The following SLC37A1 variants were observed in gnomAD, a reference collection of about 807,000 sequenced individuals.
The protein encoded by SLC37A1 is glucose-6-phosphate exchanger SLC37A1.
In SLC37A1, 49 loss-of-function variants were observed where a neutral mutation model predicts 75.3. The ratio of observed to expected loss-of-function variants is 0.65; its 90% CI spans 0.52 to 0.83. The LOEUF (loss-of-function observed/expected upper bound fraction) is 0.83, where lower values mean the gene tolerates loss of function less well. Ranked by LOEUF, SLC37A1 falls within the 40% of genes least tolerant of loss-of-function variation. SLC37A1 has a pLI of 0.00. For missense variants in SLC37A1, 566 were observed against 695.0 expected (o/e 0.81, Z 2.09); for synonymous variants, 268 against 292.1 (o/e 0.92, Z 0.84).
In SLC37A1 at chr21:42,565,717, G is replaced by C; in HGVS notation, c.1222-110G>C. 4.0e-6 allele frequency: 4 copies of C among 991,254 alleles called. No individual in the cohort carries two copies. The African/African-American group carries it at 6.4e-5, about 16-fold the overall frequency. The allele number at this position is 991,254 out of a possible 1,614,324, so 61.4% of individuals were successfully genotyped here. On this transcript the variant is annotated intron_variant, in intron 14 of 19. Transcript: ENST00000352133. The stretch of plus-strand genomic sequence containing the variant: ...CGCTTTTTTAGGGGTTTCCACTCTT[G>C]GGATGGCTGCCTGAGAATCACCCGC...
At chr21:42,543,346 CT>C in intron 7 of SLC37A1, 89 bp from the exon 8 acceptor site, 1 of 1,495,452 alleles carries the variant, frequency 6.7e-7, no homozygotes, top group East Asian at 2.3e-5. Flanking sequence ...CGCCGACTCC[CT>C]ACTTTGCAGG....
chr21:42,537,580 G>C (rs978343669), intron 5 of SLC37A1, among the ~76,000 whole-genome samples: 7 of 152,176 alleles, frequency 4.6e-5, no homozygotes, highest in Non-Finnish European at 8.8e-5. Context: ...CTGGCATCTA[G>C]TGGCTAGAAA....
intron 16 of SLC37A1, among the ~76,000 whole-genome samples, chr21:42,568,118 T>C (rs914352498): frequency 6.6e-6 from 1 of 152,268 alleles, no homozygotes; most frequent in Admixed American, 6.5e-5. Context: ...AAACGTTTTT[T>C]ATTTGAAGAG....
Position 42,530,642 on chromosome 21 carries a change from ACACACACACACACC to A in SLC37A1, c.139-4054_139-4041del, listed in dbSNP as rs1269373011. Among the ~76,000 whole-genome samples, 141 of 28,638 alleles carry A rather than the reference ACACACACACACACC, an allele frequency of 4.9e-3. 2 individuals are homozygous for A. The highest frequency in any genetic ancestry group is 0.018 in the African/African-American group (80 of 4,506). 18.8% of individuals were successfully genotyped at this position (28,638 alleles called of 152,430 possible). ...CACACACACACACACACACACACACACACACACACACACCCCCTCTGTGTTGGCTGAAGGTGGAG... is the reference window on the plus strand; with the variant it reads ...CACACACACACACACACACACACACACCCTCTGTGTTGGCTGAAGGTGGAG... On this transcript the variant is annotated intron_variant, in intron 3 of 19. Transcript: ENST00000352133.
chr21:42,519,691 C>G (rs776187321), intron 2 of SLC37A1, among the ~76,000 whole-genome samples: 6 of 152,194 alleles, frequency 3.9e-5, no homozygotes, highest in Non-Finnish European at 5.9e-5. Flanking sequence ...CACAGGGTGT[C>G]TCAGGTTTGA....
chr21:42,531,442 G>C (rs1394205502), intron 3 of SLC37A1, among the ~76,000 whole-genome samples: 7 of 152,268 alleles, frequency 4.6e-5, no homozygotes, highest in Non-Finnish European at 8.8e-5. Flanking sequence ...GTGGAGTTCA[G>C]TTGCTGCAGA....
At chr21:42,551,557 A>T (rs2055557598) in intron 9 of SLC37A1, among the ~76,000 whole-genome samples, 1 of 152,250 alleles carries the variant, frequency 6.6e-6, no homozygotes, top group Non-Finnish European at 1.5e-5. Flanking sequence ...AAAACCACTG[A>T]ATTGTGAACA....
Position 42,565,849 on chromosome 21 carries a change from G to A in SLC37A1, c.1244G>A (p.Ser415Asn). ...CAGCTCTACATCTTCTCCACCGTCAGCAAGATGGGGCTTGAGGCCACCATC... is the reference window on the plus strand; with the variant it reads ...CAGCTCTACATCTTCTCCACCGTCAACAAGATGGGGCTTGAGGCCACCATC... ...APTLYIFSTV[S>N]KMGLEATIAM... The change falls in exon 15 of 20, where the codon AGC becomes AAC. Residue 415 changes from serine (S) to asparagine (N), a missense_variant. Ser to Asn is a conservative substitution (Grantham distance 46). Transcript: ENST00000352133. The A allele has an allele frequency of 6.2e-7, 1 of 1,614,056 alleles. No individual in the cohort carries two copies. Among genetic ancestry groups the A allele is most frequent in the Non-Finnish European group, 8.5e-7 (1 of 1,179,976 alleles).
chr21:42,510,110 C>A (rs1235187100), upstream of SLC37A1, among the ~76,000 whole-genome samples: 1 of 152,246 alleles, frequency 6.6e-6, no homozygotes, highest in Non-Finnish European at 1.5e-5. Flanking sequence ...TCACTGCAAC[C>A]TCTGCCTCCT....
intron 18 of SLC37A1, chr21:42,576,092 T>C (rs1169403638): frequency 9.5e-6 from 4 of 419,502 alleles, no homozygotes; most frequent in Non-Finnish European, 1.3e-5. Flanking sequence ...ATACACAAGC[T>C]CAGGAATCAA....
chr21:42,521,470 A>C (rs2054647666), intron 2 of SLC37A1, among the ~76,000 whole-genome samples: 1 of 152,240 alleles, frequency 6.6e-6, no homozygotes, highest in African/African-American at 2.4e-5. Flanking sequence ...TAATTCTCAA[A>C]AGTGTTTCTT....
chr21:42,560,731 G>A (rs1268857212), intron 11 of SLC37A1, among the ~76,000 whole-genome samples: 2 of 152,224 alleles, frequency 1.3e-5, no homozygotes, highest in Admixed American at 6.5e-5. Flanking sequence ...GGAAGCTGCT[G>A]GGTTTAAGTA....
In SLC37A1 at chr21:42,580,527, T is replaced by G; in HGVS notation, c.*167T>G. 1 of 687,166 alleles carries G rather than the reference T, an allele frequency of 1.5e-6. No homozygotes were observed. Among genetic ancestry groups the G allele is most frequent in the South Asian group, 1.9e-5 (1 of 52,492 alleles). The allele number at this position is 687,166 out of a possible 1,614,324, so 42.6% of individuals were successfully genotyped here. ...CAACCTGAGAACCCCTGGTGCTATT[T>G]TAAAGGAGACATATTGCTGAACAGC... On this transcript the variant is annotated 3_prime_UTR_variant, in exon 20 of 20. Coordinates refer to ENST00000352133, the MANE Select transcript of SLC37A1 (RefSeq NM_001320537.2).
At chr21:42,537,155 G>C (rs557945132) in intron 5 of SLC37A1, among the ~76,000 whole-genome samples, 3 of 152,350 alleles carry the variant, frequency 2.0e-5, no homozygotes, top group Non-Finnish European at 4.4e-5. Flanking sequence ...TGTTGGAGGA[G>C]AGTGCATAGC....
At chr21:42,520,987 C>T (rs2054634308) in intron 2 of SLC37A1, among the ~76,000 whole-genome samples, 1 of 152,186 alleles carries the variant, frequency 6.6e-6, no homozygotes, top group Non-Finnish European at 1.5e-5. Context: ...ACTGATATAA[C>T]TAAAGAAGTA....
At chr21:42,507,381 G>C (rs1031983787) in intron 2 of SLC37A1, among the ~76,000 whole-genome samples, 2 of 152,190 alleles carry the variant, frequency 1.3e-5, no homozygotes, top group African/African-American at 4.8e-5. Flanking sequence ...TAGGCTGTGA[G>C]GGGGACTGGC....
chr21:42,519,983 T>TGTGTGTGC (rs1555879914), intron 2 of SLC37A1, among the ~76,000 whole-genome samples: 1 of 151,944 alleles, frequency 6.6e-6, no homozygotes, highest in African/African-American at 2.4e-5. Flanking sequence ...TGTGTGTGTG[T>TGTGTGTGC]GCATGTGTGT....
Position 42,539,594 on chromosome 21 carries a change from G to A in SLC37A1, c.433G>A (p.Gly145Ser), listed in dbSNP as rs1252302932. The change falls in exon 6 of 20, where the codon GGC becomes AGC. Residue 145 changes from glycine to serine, a missense_variant. Physicochemically the swap from Gly to Ser is moderately conservative, Grantham distance 56 (BLOSUM62 0). Transcript: ENST00000352133. ...LASGAFTALF[G>S]LGYFYNIHSF... is the part of the protein sequence containing the mutation. Reference sequence around the variant, plus strand: ...CAGCGGAGCCTTCACCGCCCTGTTCGGCTTAGGGTATTTCTACAACATCCA... The same window carrying A: ...CAGCGGAGCCTTCACCGCCCTGTTCAGCTTAGGGTATTTCTACAACATCCA... The A allele has an allele frequency of 6.8e-6, 11 of 1,613,852 alleles. No individual in the cohort carries two copies. The highest frequency in any genetic ancestry group is 3.3e-5 in the Admixed American group (2 of 59,966).
In SLC37A1 at chr21:42,554,046, C is replaced by CTT; in HGVS notation, c.769-7_769-6dup. 5.6e-6 allele frequency: 8 copies of CTT among 1,421,614 alleles called. No homozygotes were observed. The highest frequency in any genetic ancestry group is 4.8e-6 in the Non-Finnish European group (5 of 1,038,678). The allele number at this position is 1,421,614 out of a possible 1,614,324, so 88.1% of individuals were successfully genotyped here. ...TTGAATCAGTATCGCTCTAATGAAA[C>CTT]TTTTTTTTTTACCAGCACTCAAAAG... On this transcript the variant is annotated splice_polypyrimidine_tract_variant and intron_variant, in intron 9 of 19. Coordinates refer to ENST00000352133, the MANE Select transcript of SLC37A1 (RefSeq NM_001320537.2).
Sources: gnomAD v4.1 joint callset for allele counts (sites outside exome capture counted in the v4.1 genomes callset) on GRCh38, gnomAD v4.1.1 for gene constraint, MANE v1.5 for transcripts, NCBI Gene and HGNC (gene_info 2026-07-23, HGNC 2026-07-21) for gene names.